Variants in CHAT observed in about 807,000 individuals in gnomAD.
CHAT encodes the protein choline O-acetyltransferase.
CHAT carries 61 observed loss-of-function variants against 76.9 expected under a neutral mutation model. The ratio of observed to expected loss-of-function variants is 0.79; its 90% CI spans 0.65 to 0.98. CHAT has a LOEUF of 0.98. CHAT is among the 50% of genes least tolerant of loss of function. CHAT has a pLI of 0.00. For synonymous variants in CHAT, 407 were observed against 397.4 expected (o/e 1.02, Z -0.29); for missense variants, 946 against 986.9 (o/e 0.96, Z 0.56).
chr10:49,640,410 G>A (rs1286783219), intron 7 of CHAT, among the ~76,000 whole-genome samples: 2 of 152,156 alleles, frequency 1.3e-5, no homozygotes, highest in African/African-American at 2.4e-5. Context: ...GAGAATGGGG[G>A]AGGTTATAAC....
chr10:49,620,365 C>T (rs1838659285), intron 3 of CHAT, 130 bp from the exon 4 acceptor site: 2 of 769,684 alleles, frequency 2.6e-6, no homozygotes, highest in Non-Finnish European at 4.7e-6. Context: ...CTGGCACATA[C>T]CTGGGGCTTA....
intron 7 of CHAT, among the ~76,000 whole-genome samples, chr10:49,641,586 G>A (rs1839482690): frequency 6.6e-6 from 1 of 152,172 alleles, no homozygotes; most frequent in Non-Finnish European, 1.5e-5. Flanking sequence ...CCCTAGGCCA[G>A]AGAGTCGGGA....
In CHAT at chr10:49,648,555, C is replaced by T. The variant is rs767180792; in HGVS notation, c.1330C>T (p.Pro444Ser). Residue 444 changes from proline (P) to serine (S), a missense_variant, in exon 9 of 15, where the codon CCA becomes TCA. Transcript: ENST00000337653. Reference sequence around the variant, plus strand: ...CTGCGGTGTGGTGTGCGAACACTCCCCATTCGATGGCATCGTCCTGGTGCA... The same window carrying T: ...CTGCGGTGTGGTGTGCGAACACTCCTCATTCGATGGCATCGTCCTGGTGCA... ...GTCGVVCEHS[P>S]FDGIVLVQCT... 2 of 1,613,934 alleles carry T rather than the reference C, an allele frequency of 1.2e-6. No individual in the cohort carries two copies. The highest frequency in any genetic ancestry group is 2.7e-5 in the African/African-American group (2 of 74,914).
rs752896534 is a variant in CHAT, at chr10:49,664,794, G to T, written c.1995G>T (p.Glu665Asp). 6.2e-6 allele frequency: 10 copies of T among 1,614,120 alleles called. No homozygotes were observed. The highest frequency in any genetic ancestry group is 5.0e-5 in the Admixed American group (3 of 60,010). Residue 665 changes from glutamate (E) to aspartate (D), a missense_variant, in exon 15 of 15, where the codon GAG (glutamate) becomes GAT (aspartate). Around this residue, in one of 3 missense-constraint regions of CHAT, gnomAD observed 349 missense variants for 393.9 expected, o/e 0.89. Coordinates refer to ENST00000337653, the MANE Select transcript of CHAT (RefSeq NM_020549.5). The part of the protein sequence containing the change: ...LSTSQVPTTT[E>D]MFCCYGPVVP... ...TCCTCCAGGTGCCCACAACCACGGA[G>T]ATGTTCTGCTGCTATGGTCCTGTGG...
At chr10:49,610,770 C>G (rs1484006188), upstream of CHAT, 2 of 1,557,754 alleles carry the variant, frequency 1.3e-6, no homozygotes, top group Non-Finnish European at 1.7e-6. Flanking sequence ...CGGGCCAGGC[C>G]CGGGCGGCGG....
At chr10:49,625,756 T>C in intron 6 of CHAT, 103 bp downstream of exon 6, 3 of 1,242,266 alleles carry the variant, frequency 2.4e-6, no homozygotes, top group Non-Finnish European at 3.4e-6. Flanking sequence ...CTTCCCTGAG[T>C]CACACAGGGA....
chr10:49,612,599 T>C, upstream of CHAT: 2 of 491,408 alleles, frequency 4.1e-6, no homozygotes, highest in South Asian at 4.4e-5. Flanking sequence ...AGTCCCCACC[T>C]GCGGCTCCCC....
chr10:49,633,448 G>A (rs188078138), intron 7 of CHAT, among the ~76,000 whole-genome samples: 23 of 152,236 alleles, frequency 1.5e-4, no homozygotes, highest in African/African-American at 5.5e-4. Context: ...GTCTCCTTTA[G>A]GGGTGGCCGG....
chr10:49,613,946 G>GC, upstream of CHAT: 1 of 630,038 alleles, frequency 1.6e-6, no homozygotes, highest in African/African-American at 1.8e-5. Context: ...AGGGCAGCGA[G>GC]CAGAGACTTC....
At chr10:49,641,592 C>A (rs539068139) in intron 7 of CHAT, among the ~76,000 whole-genome samples, 1 of 152,000 alleles carries the variant, frequency 6.6e-6, no homozygotes, top group Non-Finnish European at 1.5e-5. Flanking sequence ...GCCAGAGAGT[C>A]GGGAAGAATA....
At chr10:49,610,369 G>T (rs1458211066), upstream of CHAT, 1 of 219,280 alleles carries the variant, frequency 4.6e-6, no homozygotes, top group Non-Finnish European at 9.0e-6. Flanking sequence ...GCAAGCGGGC[G>T]GGCGGCAACA....
chr10:49,612,604 C>A (rs1838331783), upstream of CHAT: 3 of 490,208 alleles, frequency 6.1e-6, no homozygotes, highest in Non-Finnish European at 1.1e-5. Flanking sequence ...CCACCTGCGG[C>A]TCCCCTGTGT....
At chr10:49,616,796 C>T (rs1464024115) in intron 2 of CHAT, among the ~76,000 whole-genome samples, 194 bp downstream of exon 2, 4 of 152,198 alleles carry the variant, frequency 2.6e-5, no homozygotes, top group Non-Finnish European at 4.4e-5. Context: ...GGGGCTGAGA[C>T]GGGCCTCAGG....
At chr10:49,625,342 G>A in intron 5 of CHAT, 131 bp from the exon 6 acceptor site, 1 of 803,826 alleles carries the variant, frequency 1.2e-6, no homozygotes, top group Non-Finnish European at 2.1e-6. Context: ...CTCTGCATCT[G>A]CCATGATGAT....
At chr10:49,634,990 C>T (rs11101189) in intron 7 of CHAT, among the ~76,000 whole-genome samples, 17,208 of 152,200 alleles carry the variant, frequency 0.11, 1,390 homozygotes, top group East Asian at 0.44. Context: ...AACTATAGTA[C>T]AATATCACAA....
chr10:49,629,378 A>C lies in CHAT; in HGVS notation c.1111+1593A>C, dbSNP rs546906495. On this transcript the variant is annotated intron_variant, in intron 7 of 14. Transcript: ENST00000337653. ...TCATAAATAGGGGGCTGCAGGAGCC[A>C]AAGAGGGGTGTGAGAGCTGACTGCC... Among the ~76,000 whole-genome samples the C allele has an allele frequency of 5.9e-5, 9 of 152,330 alleles. No individual in the cohort carries two copies. In the East Asian group the frequency reaches 1.7e-3, roughly 29 times the overall value.
In CHAT at chr10:49,638,953, G is replaced by A. The variant is rs185164075; in HGVS notation, c.1112-7552G>A. Reference sequence around the variant, plus strand: ...TTTCTTTTAAAAAAAACTTTCTTAGGGACCAGCTGCAGTGGCTCACGCCTG... The same window carrying A: ...TTTCTTTTAAAAAAAACTTTCTTAGAGACCAGCTGCAGTGGCTCACGCCTG... On this transcript the variant is annotated intron_variant, in intron 7 of 14. Transcript: ENST00000337653. Among the ~76,000 whole-genome samples, 985 of 152,032 alleles carry A rather than the reference G, an allele frequency of 6.5e-3. 11 individuals are homozygous for A. The highest frequency in any genetic ancestry group is 0.023 in the African/African-American group (937 of 41,460).
rs1414178446 is a variant in CHAT at position 49,664,597 on chromosome 10, T to C, written c.1978-180T>C. 4.6e-5 allele frequency among the ~76,000 whole-genome samples: 7 copies of C among 152,334 alleles called. No homozygotes were observed. The East Asian group carries it at 1.4e-3, about 29-fold the overall frequency. The stretch of plus-strand genomic sequence containing the variant: ...GGGCTTGGGGCCCCTCATCCTCTGA[T>C]ATCATGCAGTTAGATGGGTCTGTTT... On this transcript the variant is annotated intron_variant, in intron 14 of 14. Transcript: ENST00000337653.
At chr10:49,641,167 T>C (rs571620961) in intron 7 of CHAT, among the ~76,000 whole-genome samples, 1 of 152,324 alleles carries the variant, frequency 6.6e-6, no homozygotes, top group South Asian at 2.1e-4. Context: ...ACCAGTTCTA[T>C]TGGATTAAGA....
Sources: allele counts gnomAD v4.1 joint callset (sites outside exome capture counted in the v4.1 genomes callset), GRCh38; gene constraint gnomAD v4.1.1; regional missense constraint gnomAD v4.1.1; transcripts MANE v1.5; gene names NCBI Gene and HGNC (gene_info 2026-07-23, HGNC 2026-07-21).